Variants in XPO1 observed in about 807,000 individuals in gnomAD.
XPO1 encodes the protein exportin-1.
XPO1 carries 5 observed loss-of-function variants against 133.3 expected under a neutral mutation model. The ratio of observed to expected loss-of-function variants is 0.04; its 90% CI spans 0.02 to 0.08. The LOEUF (loss-of-function observed/expected upper bound fraction) is 0.08. XPO1 is among the 10% of genes least tolerant of loss of function. The probability of loss-of-function intolerance (pLI) is 1.00; values close to 1 mark genes in which losing one functional copy is unlikely to be tolerated. For missense variants in XPO1, 506 were observed against 1,267.5 expected, an observed-to-expected ratio of 0.40 and a Z score of 9.12; for synonymous variants, 419 against 408.2, an observed-to-expected ratio of 1.03 and a Z score of -0.32.
chr2:61,517,649 C>CAAG (rs1428936921), intron 4 of XPO1, among the ~76,000 whole-genome samples: 1 of 152,102 alleles, frequency 6.6e-6, no homozygotes, highest in Non-Finnish European at 1.5e-5. Context: ...GGAATTCTTC[C>CAAG]ATTTGACATA....
intron 17 of XPO1, among the ~76,000 whole-genome samples, chr2:61,489,559 A>T (rs1337729616): frequency 2.8e-5 from 4 of 145,042 alleles, no homozygotes; most frequent in Non-Finnish European, 4.6e-5. Flanking sequence ...ATATAGTTCT[A>T]TTTTTTTTTT....
At position 61,528,461 on chromosome 2, in the gene XPO1, C is replaced by A. The variant is rs532545167; in HGVS notation, c.127-1940G>T. Among the ~76,000 whole-genome samples the A allele has an allele frequency of 6.6e-5, 10 of 151,878 alleles. No individual in the cohort carries two copies. In the South Asian group the frequency reaches 2.1e-3, roughly 32 times the overall value. On this transcript the variant is annotated intron_variant, in intron 2 of 24. Coordinates refer to ENST00000401558, the MANE Select transcript of XPO1 (RefSeq NM_003400.4). Reference sequence around the variant, plus strand: ...CATCCTGACCAATATGGCGAAACCCCATCTCTACTAAAAATACAAAAACTA... The same window carrying A: ...CATCCTGACCAATATGGCGAAACCCAATCTCTACTAAAAATACAAAAACTA...
At chr2:61,480,588 C>T (rs2104234885) in intron 24 of XPO1, 1 of 151,304 alleles carries the variant, frequency 6.6e-6, no homozygotes, top group South Asian at 2.1e-4. Context: ...GCCTAGGTAA[C>T]TTTCATTAGT....
At chr2:61,535,686 T>C (rs1040708926) in intron 1 of XPO1, among the ~76,000 whole-genome samples, 3 of 152,132 alleles carry the variant, frequency 2.0e-5, no homozygotes, top group Non-Finnish European at 4.4e-5. Context: ...ACTCAAGAAA[T>C]TAGGAGTTCA....
intron 4 of XPO1, among the ~76,000 whole-genome samples, chr2:61,513,456 C>T (rs1258655147): frequency 1.3e-5 from 2 of 151,366 alleles, no homozygotes; most frequent in African/African-American, 4.9e-5. Flanking sequence ...GTCTCTGCCT[C>T]CCCAGTTCAA....
At chr2:61,485,175 C>T (rs1163933688) in intron 20 of XPO1, 1 of 152,168 alleles carries the variant, frequency 6.6e-6, no homozygotes, top group Non-Finnish European at 1.5e-5. Context: ...CCACCATGGC[C>T]AGCCTATTTT....
chr2:61,512,165 T>C (rs1004742649), intron 4 of XPO1, among the ~76,000 whole-genome samples: 4 of 152,334 alleles, frequency 2.6e-5, no homozygotes, highest in Non-Finnish European at 5.9e-5. Context: ...CTGATAATTT[T>C]TGCTCCCATC....
chr2:61,528,731 ATT>A (rs1224476630), intron 2 of XPO1, among the ~76,000 whole-genome samples: 4 of 68,584 alleles, frequency 5.8e-5, no homozygotes, highest in Non-Finnish European at 1.1e-4. Flanking sequence ...TCGACATTTT[ATT>A]TATATATATA....
chr2:61,531,192 C>T (rs911759689), intron 2 of XPO1, among the ~76,000 whole-genome samples: 1 of 152,148 alleles, frequency 6.6e-6, no homozygotes, highest in Admixed American at 6.6e-5. Flanking sequence ...CTTTTAGAGA[C>T]CAAAAGGACT....
intron 18 of XPO1, 44 bp downstream of exon 18, chr2:61,488,539 AGAAGT>A (rs1181162842): frequency 1.3e-6 from 2 of 1,534,078 alleles, no homozygotes; most frequent in Non-Finnish European, 1.8e-6. Context: ...GCAGTAGAAG[AGAAGT>A]GGTTTGTTTA....
At chr2:61,533,743 T>C in intron 2 of XPO1, 29 bp downstream of exon 2, 1 of 1,547,992 alleles carries the variant, frequency 6.5e-7, no homozygotes, top group Non-Finnish European at 8.7e-7. Flanking sequence ...ACTGTCATAA[T>C]GTTATAAAGT....
At chr2:61,488,096 A>G (rs1296950147) in intron 19 of XPO1, 69 bp downstream of exon 19, 3 of 1,347,492 alleles carry the variant, frequency 2.2e-6, no homozygotes, top group East Asian at 4.6e-5. Context: ...TGCACATAAT[A>G]GAGTATAGCA....
intron 10 of XPO1, among the ~76,000 whole-genome samples, chr2:61,495,908 A>G (rs903801680): frequency 5.3e-5 from 8 of 151,922 alleles, no homozygotes; most frequent in African/African-American, 1.9e-4. Context: ...GGCTCAAGCA[A>G]TCCTCCCACC....
intron 22 of XPO1, chr2:61,482,754 T>C (rs1393941137): frequency 4.1e-6 from 3 of 740,410 alleles, no homozygotes; most frequent in East Asian, 2.8e-5. Flanking sequence ...TGCAATCACA[T>C]GCCACCATGC....
At chr2:61,532,423 G>A (rs1162898563) in intron 2 of XPO1, among the ~76,000 whole-genome samples, 4 of 149,416 alleles carry the variant, frequency 2.7e-5, no homozygotes, top group South Asian at 2.2e-4. Flanking sequence ...CACCGCGCCC[G>A]GCCGGCACTC....
At chr2:61,521,686 A>G (rs888893509) in intron 4 of XPO1, among the ~76,000 whole-genome samples, 5 of 152,176 alleles carry the variant, frequency 3.3e-5, no homozygotes, top group Non-Finnish European at 5.9e-5. Context: ...CAAAAGGCAA[A>G]ACAGCTTTGT....
rs570286537 is a variant in XPO1, at chr2:61,502,343, G to A, written c.302-33C>T. ...AAAAATTGCACGTAATAAAAAAATT[G>A]TTGAGCTCTTTTGTAGCATGCAAAT... is the stretch of plus-strand genomic sequence containing the variant. On this transcript the variant is annotated intron_variant, in intron 4 of 24. Transcript: ENST00000401558. 3.8e-6 allele frequency: 6 copies of A among 1,589,598 alleles called. No homozygotes were observed. The South Asian group carries it at 4.5e-5, about 12-fold the overall frequency.
At position 61,537,914 on chromosome 2, in the gene XPO1, C is replaced by A; in HGVS notation, c.-359G>T. ...CCCAGGGGGACCCTCCAGCCACAGGCAGCAGCAGAAGCGGCAGGAGTAGGG... is the reference window on the plus strand; with the variant it reads ...CCCAGGGGGACCCTCCAGCCACAGGAAGCAGCAGAAGCGGCAGGAGTAGGG... On this transcript the variant is annotated 5_prime_UTR_variant, in exon 1 of 25. Transcript: ENST00000401558. 1 of 160,136 alleles carries A rather than the reference C, an allele frequency of 6.2e-6. No homozygotes were observed. The allele number at this position is 160,136 out of a possible 1,614,324, so 9.9% of individuals were successfully genotyped here.
At chr2:61,500,685 G>A (rs1697467883) in intron 6 of XPO1, among the ~76,000 whole-genome samples, 1 of 151,878 alleles carries the variant, frequency 6.6e-6, no homozygotes, top group East Asian at 1.9e-4. Flanking sequence ...AGTAGTCTCA[G>A]CTACTGGGGA....
Sources: gnomAD v4.1 joint callset for allele counts (sites outside exome capture counted in the v4.1 genomes callset) on GRCh38, gnomAD v4.1.1 for gene constraint, MANE v1.5 for transcripts, NCBI Gene and HGNC (gene_info 2026-07-23, HGNC 2026-07-21) for gene names.